The following TNRC6A variants were observed in gnomAD, a reference collection of about 807,000 sequenced individuals.
The protein encoded by TNRC6A is trinucleotide repeat containing adaptor 6A, also known as trinucleotide repeat-containing gene 6A protein.
TNRC6A carries 44 observed loss-of-function variants against 221.2 expected under a neutral mutation model. The observed-to-expected ratio is 0.20, with a 90% confidence interval of 0.16 to 0.26. The LOEUF is 0.26. Among genes scored for constraint, TNRC6A ranks in the 10% least tolerant of loss-of-function variants. The probability of loss-of-function intolerance (pLI) is 1.00; values close to 1 mark genes in which losing one functional copy is unlikely to be tolerated. For synonymous variants in TNRC6A, 847 were observed against 838.5 expected (o/e 1.01, Z -0.18); for missense variants, 2,199 against 2,404.4 (o/e 0.91, Z 1.79).
At position 24,790,311 on chromosome 16, in the gene TNRC6A, G is replaced by C. The variant is rs2058070689; in HGVS notation, c.1669G>C (p.Gly557Arg). Residue 557 changes from glycine to arginine, a missense_variant, in exon 6 of 25, where the codon GGT becomes CGT. Gly to Arg is a moderately radical substitution (Grantham distance 125). Transcript: ENST00000395799. Reference protein sequence around the residue: ...NATLMQPGVNGPMGTNFQVNT... With the variant: ...NATLMQPGVNRPMGTNFQVNT... ...AACTCTAATGCAGCCTGGCGTAAATGGTCCTATGGGCACTAACTTTCAAGT... is the reference window on the plus strand; with the variant it reads ...AACTCTAATGCAGCCTGGCGTAAATCGTCCTATGGGCACTAACTTTCAAGT... 3 of 1,614,106 alleles carry C rather than the reference G, an allele frequency of 1.9e-6. No individual in the cohort carries two copies. The highest frequency in any genetic ancestry group is 2.5e-6 in the Non-Finnish European group (3 of 1,180,058).
chr16:24,646,529 G>C (rs1902299287), intron 2 of TNRC6A, among the ~76,000 whole-genome samples: 1 of 152,218 alleles, frequency 6.6e-6, no homozygotes, highest in African/African-American at 2.4e-5. Context: ...CATACAGTGG[G>C]ATGAAGCAAT....
chr16:24,725,240 G>A (rs1269455285), upstream of TNRC6A, among the ~76,000 whole-genome samples: 1 of 151,974 alleles, frequency 6.6e-6, no homozygotes, highest in Non-Finnish European at 1.5e-5. Context: ...CATTATCTTG[G>A]CTTACTGCAA....
chr16:24,775,282 A>G (rs1477543688), intron 4 of TNRC6A, among the ~76,000 whole-genome samples: 1 of 152,190 alleles, frequency 6.6e-6, no homozygotes, highest in African/African-American at 2.4e-5. Context: ...CTCATCAGTG[A>G]GCATCAAGAA....
At chr16:24,613,068 A>G (rs1900138537) in intron 1 of TNRC6A, among the ~76,000 whole-genome samples, 1 of 142,722 alleles carries the variant, frequency 7.0e-6, no homozygotes, top group Non-Finnish European at 1.5e-5. Flanking sequence ...GTGAGCCGAG[A>G]TCGCACCATT....
At chr16:24,705,472 C>T (rs1035607172) in intron 2 of TNRC6A, among the ~76,000 whole-genome samples, 1 of 152,176 alleles carries the variant, frequency 6.6e-6, no homozygotes, top group Non-Finnish European at 1.5e-5. Flanking sequence ...GCTGGGATTA[C>T]AGGCACATGC....
At chr16:24,708,375 G>A (rs1289372933) in intron 2 of TNRC6A, among the ~76,000 whole-genome samples, 1 of 151,960 alleles carries the variant, frequency 6.6e-6, no homozygotes, top group African/African-American at 2.4e-5. Flanking sequence ...TGAATAGCTG[G>A]GTCTACAGGC....
At chr16:24,779,591 C>G (rs1363346207) in intron 5 of TNRC6A, among the ~76,000 whole-genome samples, 1 of 152,168 alleles carries the variant, frequency 6.6e-6, no homozygotes, top group Non-Finnish European at 1.5e-5. Context: ...TTATGGGGTG[C>G]TTACTGTGCC....
At chr16:24,732,370 A>C (rs908883070) in intron 2 of TNRC6A, among the ~76,000 whole-genome samples, 1 of 152,222 alleles carries the variant, frequency 6.6e-6, no homozygotes, top group African/African-American at 2.4e-5. Context: ...CAACTGTGGG[A>C]CTGGGCACTA....
intron 2 of TNRC6A, among the ~76,000 whole-genome samples, chr16:24,669,941 C>CTTTTTTTTTTTTG (rs2055257167): frequency 1.8e-4 from 5 of 27,162 alleles, no homozygotes. Context: ...GAGGCAGCTA[C>CTTTTTTTTTTTTG]TTTTTTTTTT....
chr16:24,810,999 CAG>C (rs34657910), intron 18 of TNRC6A, among the ~76,000 whole-genome samples: 22,208 of 152,122 alleles, frequency 0.15, 1,823 homozygotes, highest in Middle Eastern at 0.2. Flanking sequence ...ACAGACCCCT[CAG>C]AGGTCAGACA....
intron 4 of TNRC6A, among the ~76,000 whole-genome samples, chr16:24,768,864 G>A (rs1344952987): frequency 6.6e-6 from 1 of 152,204 alleles, no homozygotes; most frequent in East Asian, 1.9e-4. Context: ...TAGGAATAAT[G>A]TAAGGGCTTG....
chr16:24,648,380 C>A (rs180847422), intron 2 of TNRC6A, among the ~76,000 whole-genome samples: 1 of 149,548 alleles, frequency 6.7e-6, no homozygotes, highest in Non-Finnish European at 1.5e-5. Flanking sequence ...AAGCGATTCT[C>A]CTGCCTCAGC....
intron 21 of TNRC6A, among the ~76,000 whole-genome samples, chr16:24,819,431 T>C (rs988284237): frequency 3.3e-5 from 5 of 152,116 alleles, no homozygotes; most frequent in Admixed American, 6.6e-5. Context: ...TCTTTTTCTT[T>C]CTTCCTTCCT....
Position 24,789,609 on chromosome 16 carries a change from A to G in TNRC6A, c.967A>G (p.Thr323Ala), listed in dbSNP as rs758745028. The G allele has an allele frequency of 2.4e-5, 39 of 1,613,992 alleles. No homozygotes were observed. Among genetic ancestry groups the G allele is most frequent in the Non-Finnish European group, 3.1e-5 (37 of 1,180,032 alleles). Residue 323 changes from threonine to alanine, a missense_variant, in exon 6 of 25, where the codon ACA (threonine) becomes GCA (alanine). Physicochemically the swap from Thr to Ala is moderately conservative, Grantham distance 58. Around this residue, in one of 8 missense-constraint regions of TNRC6A, gnomAD observed 1,405 missense variants for 1,400.2 expected, o/e 1.00. Coordinates refer to ENST00000395799, the MANE Select transcript of TNRC6A (RefSeq NM_014494.4). Reference sequence around the variant, plus strand: ...TTTTTCCCATGGAGCCATAATAAGCACATGTCAGGTCTCTGTGGATGCTCC... The same window carrying G: ...TTTTTCCCATGGAGCCATAATAAGCGCATGTCAGGTCTCTGTGGATGCTCC... ...WGFSHGAIIS[T>A]CQVSVDAPES...
At chr16:24,699,503 A>G (rs1012995424) in intron 2 of TNRC6A, among the ~76,000 whole-genome samples, 1 of 152,182 alleles carries the variant, frequency 6.6e-6, no homozygotes, top group African/African-American at 2.4e-5. Context: ...GAATTGCTTG[A>G]GGCCAGGAGT....
Position 24,806,282 on chromosome 16 carries a change from A to G in TNRC6A, c.4328A>G (p.Gln1443Arg). 6.2e-7 allele frequency: 1 copy of G among 1,614,174 alleles called. No homozygotes were observed. Among genetic ancestry groups the G allele is most frequent in the Non-Finnish European group, 8.5e-7 (1 of 1,180,030 alleles). The change falls in exon 16 of 25, where the codon CAG (glutamine) becomes CGG (arginine). Residue 1443 changes from glutamine to arginine, a missense_variant and splice_region_variant. By Grantham distance (43) the Gln-to-Arg change is conservative. Transcript: ENST00000395799. The stretch of plus-strand genomic sequence containing the variant: ...GGGAACCGGCCGCAGCAAGACCAGC[A>G]GGTAGAGCCCGCCCTGCAACTCGCA... ...PSGNRPQQDQ[Q>R]GRPLSVQQQM...
chr16:24,648,089 G>A (rs1363120849), intron 2 of TNRC6A, among the ~76,000 whole-genome samples: 1 of 152,032 alleles, frequency 6.6e-6, no homozygotes, highest in African/African-American at 2.4e-5. Flanking sequence ...CCATTCATCT[G>A]TTGATGACCA....
chr16:24,702,798 G>C (rs2056013197), intron 2 of TNRC6A, among the ~76,000 whole-genome samples: 1 of 152,016 alleles, frequency 6.6e-6, no homozygotes, highest in African/African-American at 2.4e-5. Context: ...CACTTTGGGA[G>C]GCTGAGGCAG....
chr16:24,730,936 C>G (rs918192907), intron 2 of TNRC6A, among the ~76,000 whole-genome samples: 1 of 150,580 alleles, frequency 6.6e-6, no homozygotes, highest in Non-Finnish European at 1.5e-5. Flanking sequence ...GGTTATCGTT[C>G]CTGTTGGGCC....
Sources: gnomAD v4.1 joint callset for allele counts (sites outside exome capture counted in the v4.1 genomes callset) on GRCh38, gnomAD v4.1.1 for gene constraint, gnomAD v4.1.1 regional missense constraint, MANE v1.5 for transcripts, NCBI Gene and HGNC (gene_info 2026-07-23, HGNC 2026-07-21) for gene names.